Variants in TTC39C observed in about 807,000 individuals in gnomAD.
TTC39C encodes the protein tetratricopeptide repeat protein 39C.
Under a neutral mutation model 76.3 loss-of-function variants are expected in TTC39C, and 33 were observed. The observed-to-expected ratio is 0.43, with a 90% CI of 0.33 to 0.58. The LOEUF is 0.58. Ranked by LOEUF, TTC39C falls within the 20% of genes least tolerant of loss-of-function variation. TTC39C has a pLI of 0.04. For synonymous variants in TTC39C, 254 were observed against 260.6 expected, an observed-to-expected ratio of 0.97 and a Z score of 0.24; for missense variants, 595 against 701.4, an observed-to-expected ratio of 0.85 and a Z score of 1.71.
At chr18:24,053,172 C>A (rs1372036296) in intron 1 of TTC39C, among the ~76,000 whole-genome samples, 4 of 152,152 alleles carry the variant, frequency 2.6e-5, no homozygotes, top group Non-Finnish European at 5.9e-5. Flanking sequence ...TGAATCATGT[C>A]AAGAAAAACC....
intron 7 of TTC39C, among the ~76,000 whole-genome samples, chr18:24,116,101 C>G (rs1568443412): frequency 6.6e-6 from 1 of 152,222 alleles, no homozygotes; most frequent in African/African-American, 2.4e-5. Context: ...TTATTCCTGA[C>G]TTATTCCTGA....
intron 7 of TTC39C, among the ~76,000 whole-genome samples, chr18:24,115,646 A>G (rs1403003520): frequency 6.6e-6 from 1 of 152,246 alleles, no homozygotes; most frequent in Non-Finnish European, 1.5e-5. Flanking sequence ...TTGGGGGGTC[A>G]GGCCCTGTGC....
intron 6 of TTC39C, chr18:24,113,455 G>A (rs2084843555): frequency 1.6e-6 from 1 of 625,392 alleles, no homozygotes; most frequent in African/African-American, 1.8e-5. Flanking sequence ...CTGGCTGTGG[G>A]GATAATGGGC....
chr18:24,042,579 T>C (rs984761684), intron 1 of TTC39C, among the ~76,000 whole-genome samples: 2 of 152,192 alleles, frequency 1.3e-5, no homozygotes, highest in Non-Finnish European at 2.9e-5. Context: ...GAACCCCTGC[T>C]TTAGTGAACA....
In TTC39C at chr18:24,125,571, C is replaced by T. The variant is rs759234860; in HGVS notation, c.1420+21C>T. ...TCAAGGTAAAAAATTTAAAAAAACCCAAAACTGTCTACTGGACACACTGGC... is the reference window on the plus strand; with the variant it reads ...TCAAGGTAAAAAATTTAAAAAAACCTAAAACTGTCTACTGGACACACTGGC... On this transcript the variant is annotated intron_variant, in intron 10 of 13. Coordinates refer to ENST00000317571, the MANE Select transcript of TTC39C (RefSeq NM_001135993.2). 4 of 1,613,670 alleles carry T rather than the reference C, an allele frequency of 2.5e-6. No individual in the cohort carries two copies. In the African/African-American group the frequency reaches 5.3e-5, roughly 22 times the overall value.
At chr18:24,002,017 CG>C (rs1568400121) in intron 1 of TTC39C, among the ~76,000 whole-genome samples, 1 of 151,944 alleles carries the variant, frequency 6.6e-6, no homozygotes, top group South Asian at 2.1e-4. Context: ...TTAGTAGAGA[CG>C]GGGGGTAATT....
chr18:24,019,860 A>G (rs1346716124), intron 1 of TTC39C: 1 of 1,526,748 alleles, frequency 6.5e-7, no homozygotes, highest in East Asian at 2.5e-5. Context: ...CCTTTTACAG[A>G]AAAAGTTTTT....
upstream of TTC39C, chr18:24,014,293 G>C (rs2083417617): frequency 6.6e-6 from 1 of 152,358 alleles, no homozygotes; most frequent in Non-Finnish European, 1.5e-5. Flanking sequence ...TAGCGGCCCG[G>C]GCGGAGTTCC....
intron 2 of TTC39C, among the ~76,000 whole-genome samples, chr18:24,064,413 C>T (rs774732147): frequency 1.1e-4 from 17 of 151,962 alleles, no homozygotes; most frequent in Non-Finnish European, 2.2e-4. Flanking sequence ...ATATTTTAAC[C>T]AAAGTCCTTT....
intron 6 of TTC39C, among the ~76,000 whole-genome samples, chr18:24,088,312 TG>T (rs913832463): frequency 1.3e-5 from 2 of 152,256 alleles, no homozygotes; most frequent in African/African-American, 4.8e-5. Flanking sequence ...ATATTTGTAT[TG>T]GTGTATATTT....
At chr18:24,028,089 A>T (rs2083619999) in intron 1 of TTC39C, among the ~76,000 whole-genome samples, 1 of 152,116 alleles carries the variant, frequency 6.6e-6, no homozygotes, top group Admixed American at 6.5e-5. Context: ...CATTACTTTG[A>T]GTTATCAAAA....
intron 4 of TTC39C, among the ~76,000 whole-genome samples, chr18:24,069,756 T>C (rs2084214561): frequency 6.6e-6 from 1 of 152,214 alleles, no homozygotes; most frequent in Non-Finnish European, 1.5e-5. Context: ...GTGAGGGATA[T>C]AAACTAATTT....
chr18:24,121,891 A>G (rs941358324), intron 8 of TTC39C, among the ~76,000 whole-genome samples: 1 of 152,158 alleles, frequency 6.6e-6, no homozygotes, highest in Non-Finnish European at 1.5e-5. Flanking sequence ...ACTGAGCTTC[A>G]TTCTGGTTTG....
chr18:24,095,536 TA>T (rs1568435779), intron 6 of TTC39C, among the ~76,000 whole-genome samples: 1 of 151,984 alleles, frequency 6.6e-6, no homozygotes, highest in Non-Finnish European at 1.5e-5. Context: ...CCATCTCTAC[TA>T]AAAATACAAA....
chr18:24,095,217 C>G (rs1484406163), intron 6 of TTC39C, among the ~76,000 whole-genome samples: 2 of 152,228 alleles, frequency 1.3e-5, no homozygotes, highest in Admixed American at 6.5e-5. Flanking sequence ...AGCTTCCTCA[C>G]CTCTGTCAGC....
At chr18:24,030,945 T>A (rs2083661407) in intron 1 of TTC39C, among the ~76,000 whole-genome samples, 1 of 130,242 alleles carries the variant, frequency 7.7e-6, no homozygotes, top group Non-Finnish European at 1.7e-5. Flanking sequence ...TGCACCCGGC[T>A]TTTTGTTTTT....
chr18:24,112,044 G>T (rs1055951787), intron 6 of TTC39C, among the ~76,000 whole-genome samples: 1 of 151,900 alleles, frequency 6.6e-6, no homozygotes, highest in Non-Finnish European at 1.5e-5. Flanking sequence ...ACTTGCTCTC[G>T]GCATAATGCC....
At chr18:24,029,152 G>T (rs1323742530) in intron 1 of TTC39C, among the ~76,000 whole-genome samples, 1 of 152,024 alleles carries the variant, frequency 6.6e-6, no homozygotes, top group Non-Finnish European at 1.5e-5. Context: ...GCCCAGGCTG[G>T]AGTGCAGTGG....
At chr18:23,997,918 A>G (rs2083282673) in intron 1 of TTC39C, among the ~76,000 whole-genome samples, 1 of 151,934 alleles carries the variant, frequency 6.6e-6, no homozygotes. Flanking sequence ...TTTAGAGAAG[A>G]GTTGCCTTGA....
Sources: allele counts gnomAD v4.1 joint callset (sites outside exome capture counted in the v4.1 genomes callset), GRCh38; gene constraint gnomAD v4.1.1; transcripts MANE v1.5; gene names NCBI Gene and HGNC (gene_info 2026-07-23, HGNC 2026-07-21).